FOXP1: variants seen among roughly 807,000 people sequenced by gnomAD.
FOXP1 encodes the protein forkhead box P1.
FOXP1 carries 15 observed loss-of-function variants against 98.2 expected under a neutral mutation model. The ratio of observed to expected loss-of-function variants is 0.15; its 90% CI spans 0.10 to 0.24. The LOEUF (loss-of-function observed/expected upper bound fraction) is 0.24. Ranked by LOEUF, FOXP1 falls within the 10% of genes least tolerant of loss-of-function variation. FOXP1 has a pLI of 1.00. For synonymous variants in FOXP1, 371 were observed against 314.5 expected, an observed-to-expected ratio of 1.18 and a Z score of -1.90; for missense variants, 633 against 848.5, an observed-to-expected ratio of 0.75 and a Z score of 3.15.
chr3:71,381,766 G>T (rs831077), intron 3 of FOXP1, among the ~76,000 whole-genome samples: 34,605 of 151,964 alleles, frequency 0.23, 5,559 homozygotes, highest in East Asian at 0.77. Context: ...TAACCACAAA[G>T]AACTCCTTTT....
chr3:71,363,161 T>A (rs73837127), intron 3 of FOXP1, among the ~76,000 whole-genome samples: 5,397 of 152,126 alleles, frequency 0.035, 316 homozygotes, highest in African/African-American at 0.12. Flanking sequence ...CTATTAAAGG[T>A]GTTAAAAAAT....
chr3:70,975,124 T>C (rs1324433380), intron 17 of FOXP1, among the ~76,000 whole-genome samples: 1 of 152,232 alleles, frequency 6.6e-6, no homozygotes, highest in Non-Finnish European at 1.5e-5. Flanking sequence ...TGACACTTTT[T>C]CCTGCAGTTT....
intron 2 of FOXP1, among the ~76,000 whole-genome samples, chr3:71,514,887 C>T (rs956300791): frequency 6.6e-6 from 1 of 152,168 alleles, no homozygotes; most frequent in African/African-American, 2.4e-5. Flanking sequence ...CATTCCTTTC[C>T]ACTCACTAAC....
chr3:71,178,423 C>T (rs1474849484), intron 6 of FOXP1, among the ~76,000 whole-genome samples: 3 of 151,950 alleles, frequency 2.0e-5, no homozygotes, highest in Non-Finnish European at 2.9e-5. Context: ...CGTGAGCCAT[C>T]GCGCCCGGCC....
At chr3:71,444,039 T>C (rs1303980792) in intron 3 of FOXP1, among the ~76,000 whole-genome samples, 1 of 152,150 alleles carries the variant, frequency 6.6e-6, no homozygotes, top group Non-Finnish European at 1.5e-5. Context: ...AAATACTCAC[T>C]CCCTATGCAC....
At chr3:71,462,618 C>T (rs2088254007) in intron 3 of FOXP1, among the ~76,000 whole-genome samples, 2 of 152,180 alleles carry the variant, frequency 1.3e-5, no homozygotes, top group Admixed American at 1.3e-4. Flanking sequence ...CAGCCAAAAC[C>T]TCCGTAGAAT....
intron 3 of FOXP1, among the ~76,000 whole-genome samples, chr3:71,394,757 G>A (rs1025198063): frequency 6.6e-6 from 1 of 152,102 alleles, no homozygotes; most frequent in Admixed American, 6.6e-5. Context: ...GGATTTGTTT[G>A]GGGACTCCAA....
chr3:71,217,993 T>TC (rs1233477869), intron 5 of FOXP1, among the ~76,000 whole-genome samples: 1 of 152,118 alleles, frequency 6.6e-6, no homozygotes, highest in Non-Finnish European at 1.5e-5. Flanking sequence ...CATCCTCCCC[T>TC]CCCCTGGCTC....
chr3:71,038,870 T>A (rs1174769317), intron 11 of FOXP1, among the ~76,000 whole-genome samples: 1 of 152,100 alleles, frequency 6.6e-6, no homozygotes, highest in Non-Finnish European at 1.5e-5. Flanking sequence ...CCCTCTATGT[T>A]GTCCAGGCTA....
At position 71,164,700 on chromosome 3, in the gene FOXP1, AT is replaced by A. The variant is rs1170251236; in HGVS notation, c.180+33501del. On this transcript the variant is annotated intron_variant, in intron 6 of 20. Coordinates refer to ENST00000649528, the MANE Select transcript of FOXP1 (RefSeq NM_001349338.3). Reference sequence around the variant, plus strand: ...GTAGCTAATCTCTTCACGTGTACACATTTTTTAGAGACCTGTTTTATGTTTT... The same window carrying A: ...GTAGCTAATCTCTTCACGTGTACACATTTTTAGAGACCTGTTTTATGTTTT... Among the ~76,000 whole-genome samples, 6 of 152,184 alleles carry A rather than the reference AT, an allele frequency of 3.9e-5. No individual in the cohort carries two copies. In the South Asian group the frequency reaches 6.2e-4, roughly 16 times the overall value.
In FOXP1 at chr3:71,135,469, A is replaced by C. The variant is rs372336132; in HGVS notation, c.181-22832T>G. Among the ~76,000 whole-genome samples the C allele has an allele frequency of 3.9e-5, 6 of 152,012 alleles. No homozygotes were observed. The East Asian group carries it at 7.7e-4, about 20-fold the overall frequency. On this transcript the variant is annotated intron_variant, in intron 6 of 20. Transcript: ENST00000649528. ...ACTCCCAAAATAGTTCCCCTTTGAA[A>C]GTTCTAAGCGGTGAGTGCCTGGTAC...
chr3:71,562,938 G>C (rs765340697), intron 2 of FOXP1, among the ~76,000 whole-genome samples: 2 of 152,128 alleles, frequency 1.3e-5, no homozygotes, highest in Non-Finnish European at 2.9e-5. Flanking sequence ...ATCGCTCCCT[G>C]TTCTCATCCC....
intron 17 of FOXP1, among the ~76,000 whole-genome samples, chr3:70,973,239 CCCCCG>C (rs756447835): frequency 0.012 from 1,638 of 138,174 alleles, 18 homozygotes; most frequent in African/African-American, 0.035. Flanking sequence ...GGACCCCCCG[CCCCCG>C]CCCCGCCCCG....
intron 11 of FOXP1, among the ~76,000 whole-genome samples, chr3:71,018,877 CAT>C (rs994019253): frequency 3.3e-5 from 5 of 152,148 alleles, no homozygotes; most frequent in Admixed American, 6.5e-5. Flanking sequence ...TTTTTGCACA[CAT>C]ATGTGTGTTT....
At chr3:71,270,127 A>C (rs2070191894) in intron 5 of FOXP1, among the ~76,000 whole-genome samples, 1 of 152,152 alleles carries the variant, frequency 6.6e-6, no homozygotes. Context: ...GAAGCATTTA[A>C]CTTCCTTGTT....
At chr3:71,319,469 A>G (rs866550857) in intron 4 of FOXP1, among the ~76,000 whole-genome samples, 3 of 152,190 alleles carry the variant, frequency 2.0e-5, no homozygotes, top group Non-Finnish European at 4.4e-5. Context: ...AAAGATTTAA[A>G]TTAAACTGAA....
intron 3 of FOXP1, among the ~76,000 whole-genome samples, chr3:71,452,539 G>A (rs1281015458): frequency 6.6e-6 from 1 of 152,162 alleles, no homozygotes; most frequent in East Asian, 1.9e-4. Context: ...TAAATGATGA[G>A]ATTCAGGCTT....
chr3:71,263,734 T>C (rs1338194973), intron 5 of FOXP1, among the ~76,000 whole-genome samples: 2 of 144,018 alleles, frequency 1.4e-5, no homozygotes, highest in African/African-American at 5.0e-5. Context: ...TCAGAGAAAA[T>C]CCATATTCCT....
intron 2 of FOXP1, among the ~76,000 whole-genome samples, chr3:71,564,267 C>T (rs951641898): frequency 2.6e-5 from 4 of 152,156 alleles, no homozygotes; most frequent in Non-Finnish European, 5.9e-5. Flanking sequence ...AGTTCTCATC[C>T]GTTATCTGCC....
Sources: gnomAD v4.1 joint callset for allele counts (sites outside exome capture counted in the v4.1 genomes callset) on GRCh38, gnomAD v4.1.1 for gene constraint, MANE v1.5 for transcripts, NCBI Gene and HGNC (gene_info 2026-07-23, HGNC 2026-07-21) for gene names.